KMT2C: variants seen among roughly 807,000 people sequenced by gnomAD.
The protein encoded by KMT2C is lysine methyltransferase 2C.
In KMT2C, 88 loss-of-function variants were observed where a neutral mutation model predicts 507.9. That is an observed-to-expected ratio of 0.17 (90% CI 0.15 to 0.21). KMT2C has a LOEUF of 0.21. Among genes scored for constraint, KMT2C ranks in the 10% least tolerant of loss-of-function variants. The pLI is 1.00. For synonymous variants in KMT2C, 2,049 were observed against 2,080.8 expected (o/e 0.98, Z 0.42); for missense variants, 4,954 against 5,957.8 (o/e 0.83, Z 5.55).
In KMT2C at chr7:152,248,390, A is replaced by T. The variant is rs768392542; in HGVS notation, c.2044T>A (p.Ser682Thr). 1 of 1,614,038 alleles carries T rather than the reference A, an allele frequency of 6.2e-7. No individual in the cohort carries two copies. The highest frequency in any genetic ancestry group is 2.2e-5 in the East Asian group (1 of 44,872). ...EPETVVSREE[S>T]RPPKLVMESV... The stretch of plus-strand genomic sequence containing the variant: ...TCCATGACTAATTTTGGAGGCCTTG[A>T]TTCTTCTCTGGATACCACTGTTTCA... The change falls in exon 14 of 59, where the codon TCA becomes ACA. Residue 682 changes from serine to threonine, a missense_variant. Transcript: ENST00000262189.
intron 25 of KMT2C, among the ~76,000 whole-genome samples, chr7:152,204,656 T>C (rs960539198): frequency 2.6e-5 from 4 of 151,426 alleles, no homozygotes; most frequent in Admixed American, 6.6e-5. Flanking sequence ...GATACATAAA[T>C]AGATAAAAAC....
chr7:152,162,825 T>C lies in KMT2C; in HGVS notation c.10752A>G (p.Gly3584=). The C allele has an allele frequency of 1.2e-6, 2 of 1,614,198 alleles. No individual in the cohort carries two copies. Among genetic ancestry groups the C allele is most frequent in the Non-Finnish European group, 1.7e-6 (2 of 1,180,032 alleles). The change falls in exon 43 of 59, where the codon GGA becomes GGG. Residue 3584 remains glycine, a synonymous_variant. Transcript: ENST00000262189. ...ACAACTGAATGAGCGATTGGGTTGATCCCGGATAACTGTGTCCATGGGTTA... is the reference window on the plus strand; with the variant it reads ...ACAACTGAATGAGCGATTGGGTTGACCCCGGATAACTGTGTCCATGGGTTA... The part of the protein sequence containing the change: ...STITHGHSYP[G]STQSLIQLYS...
intron 52 of KMT2C, among the ~76,000 whole-genome samples, chr7:152,147,723 A>G (rs533574852): frequency 0.016 from 2,120 of 133,866 alleles, 25 homozygotes; most frequent in African/African-American, 0.02. Flanking sequence ...AAAAAAAAAA[A>G]AAAAAGAAAA....
intron 31 of KMT2C, among the ~76,000 whole-genome samples, chr7:152,190,874 G>GT (rs2093770706): frequency 6.6e-6 from 1 of 152,102 alleles, no homozygotes; most frequent in South Asian, 2.1e-4. Context: ...ATGAAACAAT[G>GT]TTTTTCAAGT....
At chr7:152,261,975 C>T (rs964498347) in intron 9 of KMT2C, among the ~76,000 whole-genome samples, 2 of 152,038 alleles carry the variant, frequency 1.3e-5, no homozygotes, top group African/African-American at 4.8e-5. Context: ...TCTTTTTCCC[C>T]CCAGGAGAGA....
intron 2 of KMT2C, among the ~76,000 whole-genome samples, chr7:152,346,923 A>C (rs1016684399): frequency 4.8e-5 from 7 of 144,802 alleles, no homozygotes; most frequent in African/African-American, 1.4e-4. Context: ...TCAGGAGATA[A>C]GAGACCATCC....
At chr7:152,350,042 A>G (rs2097097301) in intron 2 of KMT2C, among the ~76,000 whole-genome samples, 3 of 152,152 alleles carry the variant, frequency 2.0e-5, no homozygotes, top group African/African-American at 7.2e-5. Flanking sequence ...ACCTGAGGTC[A>G]GGAGTTCAAG....
chr7:152,182,830 A>T lies in KMT2C; in HGVS notation c.5265+144T>A, dbSNP rs2093478063. The T allele has an allele frequency of 4.5e-6, 3 of 663,120 alleles. No homozygotes were observed. The South Asian group carries it at 7.6e-5, about 17-fold the overall frequency. 41.1% of individuals were successfully genotyped at this position (663,120 alleles called of 1,614,324 possible). Reference sequence around the variant, plus strand: ...ATAAATTTCTCAAATCAATTTAAATATATTTTACTGAAAAGAGAAACAAGT... The same window carrying T: ...ATAAATTTCTCAAATCAATTTAAATTTATTTTACTGAAAAGAGAAACAAGT... On this transcript the variant is annotated intron_variant, in intron 35 of 58. Transcript: ENST00000262189.
At chr7:152,375,948 G>C (rs2097326075) in intron 1 of KMT2C, among the ~76,000 whole-genome samples, 2 of 152,002 alleles carry the variant, frequency 1.3e-5, no homozygotes, top group African/African-American at 4.8e-5. Flanking sequence ...TCATCGGTAG[G>C]TGGGACAACA....
chr7:152,413,718 A>C (rs890077345), intron 1 of KMT2C, among the ~76,000 whole-genome samples: 10 of 151,404 alleles, frequency 6.6e-5, no homozygotes, highest in Non-Finnish European at 1.2e-4. Flanking sequence ...AACCCCATCT[A>C]TACTAAAAAT....
chr7:152,243,995 G>A (rs1165620096), intron 14 of KMT2C, among the ~76,000 whole-genome samples: 1 of 152,096 alleles, frequency 6.6e-6, no homozygotes, highest in Middle Eastern at 3.2e-3. Context: ...GAAGACCTAA[G>A]ATTATTATCT....
intron 2 of KMT2C, among the ~76,000 whole-genome samples, chr7:152,350,227 G>A (rs2097099077): frequency 6.6e-6 from 1 of 152,090 alleles, no homozygotes; most frequent in African/African-American, 2.4e-5. Context: ...TCCAGCTTGG[G>A]CAAGAAGAGT....
At chr7:152,339,565 TTG>T (rs1253221770) in intron 2 of KMT2C, among the ~76,000 whole-genome samples, 2 of 152,246 alleles carry the variant, frequency 1.3e-5, no homozygotes, top group South Asian at 2.1e-4. Flanking sequence ...TAATCCTATT[TTG>T]GTGTATTTTT....
At position 152,177,997 on chromosome 7, in the gene KMT2C, C is replaced by T. The variant is rs2129115776; in HGVS notation, c.7456G>A (p.Gly2486Arg). 8.0e-7 allele frequency: 1 copy of T among 1,248,090 alleles called. No homozygotes were observed. The highest frequency in any genetic ancestry group is 1.0e-6 in the Non-Finnish European group (1 of 991,390). 77.3% of individuals were successfully genotyped at this position (1,248,090 alleles called of 1,614,324 possible). ...RPHGFRFGFP[G>R]GSHGTMPSQE... Reference sequence around the variant, plus strand: ...CTCGGCATGGTACCATGACTACCTCCTGGAAATCCAAATCTTTTAAAAAAA... The same window carrying T: ...CTCGGCATGGTACCATGACTACCTCTTGGAAATCCAAATCTTTTAAAAAAA... Residue 2486 changes from glycine (G) to arginine (R), a missense_variant, in exon 38 of 59, where the codon GGA becomes AGA. By Grantham distance (125) the Gly-to-Arg change is moderately radical (BLOSUM62 -2). This residue lies in a region of KMT2C where 1,689 missense variants were observed against 1,654.3 expected (regional missense o/e 1.02). Transcript: ENST00000262189.
rs2129104275 is a variant in KMT2C, at chr7:152,163,173, G to T, written c.10404C>A (p.Pro3468=). 6.2e-7 allele frequency: 1 copy of T among 1,614,184 alleles called. No individual in the cohort carries two copies. ...GTTGGTGTTGTGGAGACTGCTGAAG[G>T]GGTCCTAGAGGTTGCATAAAATCAC... is the stretch of plus-strand genomic sequence containing the variant. ...LPCDFMQPLG[P]LQQSPQHQQQ... is the part of the protein sequence containing the mutation. Residue 3468 remains proline (P), a synonymous_variant, in exon 43 of 59, where the codon CCC becomes CCA. Transcript: ENST00000262189.
Position 152,156,925 on chromosome 7 carries a change from A to G in KMT2C, c.11671-579T>C, listed in dbSNP as rs552213276. ...CACCTCTCCCAGCTTAACAGTTATC[A>G]CCAATTTGTCATTTACTGATTAGTC... On this transcript the variant is annotated intron_variant, in intron 44 of 58. Coordinates refer to ENST00000262189, the MANE Select transcript of KMT2C (RefSeq NM_170606.3). Among the ~76,000 whole-genome samples the G allele has an allele frequency of 8.5e-5, 13 of 152,268 alleles. 1 individual carries two copies. In the South Asian group the frequency reaches 2.7e-3, roughly 32 times the overall value.
intron 43 of KMT2C, among the ~76,000 whole-genome samples, chr7:152,159,418 T>G (rs2092309691): frequency 2.6e-5 from 4 of 152,192 alleles, no homozygotes; most frequent in Admixed American, 6.5e-5. Flanking sequence ...AAGGAAATGC[T>G]TGTAGATGGC....
intron 6 of KMT2C, among the ~76,000 whole-genome samples, chr7:152,292,183 T>C (rs939382681): frequency 2.6e-5 from 4 of 152,240 alleles, no homozygotes; most frequent in Non-Finnish European, 5.9e-5. Flanking sequence ...TGCTATCTAA[T>C]TTGTTAATAA....
At chr7:152,290,641 A>G (rs1377311757) in intron 6 of KMT2C, among the ~76,000 whole-genome samples, 2 of 151,988 alleles carry the variant, frequency 1.3e-5, no homozygotes, top group Non-Finnish European at 2.9e-5. Flanking sequence ...AAAGATATAA[A>G]GTTCATTGAT....
Sources: gnomAD v4.1 joint callset for allele counts (sites outside exome capture counted in the v4.1 genomes callset) on GRCh38, gnomAD v4.1.1 for gene constraint, gnomAD v4.1.1 regional missense constraint, MANE v1.5 for transcripts, NCBI Gene and HGNC (gene_info 2026-07-23, HGNC 2026-07-21) for gene names.